The following ETV5 variants were observed in gnomAD, a reference collection of about 807,000 sequenced individuals.
ETV5 encodes the protein ETS translocation variant 5.
In ETV5, 10 loss-of-function variants were observed where a neutral mutation model predicts 70.0. The ratio of observed to expected loss-of-function variants is 0.14; its 90% CI spans 0.09 to 0.24. ETV5 has a LOEUF of 0.24. Among genes scored for constraint, ETV5 ranks in the 10% least tolerant of loss-of-function variants. The pLI is 1.00. For synonymous variants in ETV5, 216 were observed against 242.2 expected, an observed-to-expected ratio of 0.89 and a Z score of 1.01; for missense variants, 453 against 651.2, an observed-to-expected ratio of 0.70 and a Z score of 3.31.
chr3:186,094,700 A>G (rs576673562), intron 5 of ETV5, among the ~76,000 whole-genome samples: 1 of 152,386 alleles, frequency 6.6e-6, no homozygotes, highest in South Asian at 2.1e-4. Context: ...GTAGGGCTCA[A>G]GTATTAGCAC....
intron 5 of ETV5, among the ~76,000 whole-genome samples, chr3:186,101,944 G>A (rs1237831385): frequency 6.6e-6 from 1 of 152,168 alleles, no homozygotes. Flanking sequence ...CTATTCCCTT[G>A]AATTTGACCT....
chr3:186,061,651 G>C (rs939072890), intron 9 of ETV5, among the ~76,000 whole-genome samples: 1 of 152,166 alleles, frequency 6.6e-6, no homozygotes, highest in Non-Finnish European at 1.5e-5. Flanking sequence ...GTTTAGAAGG[G>C]AACTCCTCAA....
intron 5 of ETV5, among the ~76,000 whole-genome samples, chr3:186,083,510 G>A (rs188348628): frequency 3.2e-4 from 48 of 152,238 alleles, no homozygotes; most frequent in Admixed American, 2.7e-3. Context: ...GAAACACTTT[G>A]TATTTGTTTC....
Position 186,108,371 on chromosome 3 carries a change from G to A in ETV5, c.-75+569C>T, listed in dbSNP as rs561860044. 6.2e-4 allele frequency: 367 copies of A among 594,058 alleles called. 1 individual carries two copies. Among genetic ancestry groups the A allele is most frequent in the Admixed American group, 9.8e-4 (42 of 42,728 alleles). 36.8% of individuals were successfully genotyped at this position (594,058 alleles called of 1,614,324 possible). A position where few individuals can be genotyped will look rare whatever the true frequency, so the allele number is the denominator to read the frequency against. On this transcript the variant is annotated intron_variant, in intron 1 of 12. Coordinates refer to ENST00000306376, the MANE Select transcript of ETV5 (RefSeq NM_004454.3). ...TCAGCCTGCTGGGTGGGAGCAGGGCGACTGGATGTCCACTTTCCACCACCT... is the reference window on the plus strand; with the variant it reads ...TCAGCCTGCTGGGTGGGAGCAGGGCAACTGGATGTCCACTTTCCACCACCT...
chr3:186,050,664 C>A (rs1009922838), intron 12 of ETV5, among the ~76,000 whole-genome samples: 1 of 152,174 alleles, frequency 6.6e-6, no homozygotes, highest in East Asian at 1.9e-4. Context: ...TATCCTACAG[C>A]ATTTAACTCT....
chr3:186,092,477 A>T (rs1275580816), intron 5 of ETV5, among the ~76,000 whole-genome samples: 1 of 152,168 alleles, frequency 6.6e-6, no homozygotes, highest in Non-Finnish European at 1.5e-5. Context: ...TCTGTGACCC[A>T]GGCTAGAGAG....
At chr3:186,096,212 GAT>G (rs1306302943) in intron 5 of ETV5, among the ~76,000 whole-genome samples, 1 of 152,238 alleles carries the variant, frequency 6.6e-6, no homozygotes, top group East Asian at 1.9e-4. Flanking sequence ...TCTGAGTCGA[GAT>G]ATCCCTCAGC....
chr3:186,100,886 A>G (rs1007382927), intron 5 of ETV5, among the ~76,000 whole-genome samples: 2 of 152,260 alleles, frequency 1.3e-5, no homozygotes, highest in Non-Finnish European at 2.9e-5. Flanking sequence ...ACTGAAATTA[A>G]TAAGTGAGAT....
chr3:186,080,900 C>T (rs1163313909), intron 6 of ETV5, 146 bp downstream of exon 6: 6 of 948,918 alleles, frequency 6.3e-6, no homozygotes, highest in Non-Finnish European at 7.7e-6. Flanking sequence ...CTGGACTACA[C>T]CCGGAGGATG....
At position 186,047,665 on chromosome 3, in the gene ETV5, C is replaced by T. The variant is rs575335256; in HGVS notation, c.*974G>A. 5 of 233,394 alleles carry T rather than the reference C, an allele frequency of 2.1e-5. 1 individual carries two copies. The highest frequency in any genetic ancestry group is 1.1e-4 in the African/African-American group (5 of 45,440). 14.5% of individuals were successfully genotyped at this position (233,394 alleles called of 1,614,324 possible). On this transcript the variant is annotated 3_prime_UTR_variant, in exon 13 of 13. Transcript: ENST00000306376. ...GGTGCAGAAAGCACAAAGCAGGCAACAAGGCGGGCTTTCACATGGCCAAGG... is the reference window on the plus strand; with the variant it reads ...GGTGCAGAAAGCACAAAGCAGGCAATAAGGCGGGCTTTCACATGGCCAAGG...
intron 12 of ETV5, among the ~76,000 whole-genome samples, chr3:186,051,352 T>C (rs1367251871): frequency 1.3e-5 from 2 of 152,250 alleles, no homozygotes; most frequent in Non-Finnish European, 2.9e-5. Context: ...ATTACGAATT[T>C]GGTAGCTAAG....
chr3:186,063,268 TCAACAA>T (rs544999364), intron 9 of ETV5, among the ~76,000 whole-genome samples: 1 of 152,086 alleles, frequency 6.6e-6, no homozygotes, highest in African/African-American at 2.4e-5. Flanking sequence ...AGACTCCGTC[TCAACAA>T]CAACAACAAC....
chr3:186,065,369 C>T (rs372735004), intron 8 of ETV5, among the ~76,000 whole-genome samples: 6 of 152,202 alleles, frequency 3.9e-5, no homozygotes, highest in South Asian at 2.1e-4. Flanking sequence ...TGTTTACACA[C>T]GATCACTACC....
At chr3:186,098,678 C>T (rs972968805) in intron 5 of ETV5, among the ~76,000 whole-genome samples, 2 of 152,128 alleles carry the variant, frequency 1.3e-5, no homozygotes, top group Non-Finnish European at 2.9e-5. Context: ...TCCAAACCTT[C>T]AATAATCACC....
At chr3:186,050,689 A>G (rs1713006204) in intron 12 of ETV5, among the ~76,000 whole-genome samples, 1 of 152,356 alleles carries the variant, frequency 6.6e-6, no homozygotes, top group South Asian at 2.1e-4. Context: ...CAAGCACTGA[A>G]GTTAAACCTC....
intron 12 of ETV5, 36 bp from the exon 13 acceptor site, chr3:186,048,896 G>T: frequency 1.3e-6 from 2 of 1,553,244 alleles, no homozygotes; most frequent in South Asian, 1.1e-5. Flanking sequence ...GGCCCAGTTG[G>T]AACAGGGCAT....
chr3:186,053,953 T>G (rs1043491394), intron 11 of ETV5, among the ~76,000 whole-genome samples: 4 of 152,238 alleles, frequency 2.6e-5, no homozygotes, highest in African/African-American at 9.6e-5. Flanking sequence ...CCTCATCATT[T>G]TACTATGTTA....
intron 7 of ETV5, among the ~76,000 whole-genome samples, chr3:186,073,507 T>C (rs1049547303): frequency 6.6e-6 from 1 of 152,184 alleles, no homozygotes; most frequent in Non-Finnish European, 1.5e-5. Flanking sequence ...TGTCAGTCTG[T>C]CCAACTCCAG....
At chr3:186,055,062 C>CT (rs1287734683) in intron 11 of ETV5, among the ~76,000 whole-genome samples, 2 of 152,200 alleles carry the variant, frequency 1.3e-5, no homozygotes, top group Non-Finnish European at 2.9e-5. Context: ...ATATTAGTTT[C>CT]TTTATTAAGT....
Sources: allele counts gnomAD v4.1 joint callset (sites outside exome capture counted in the v4.1 genomes callset), GRCh38; gene constraint gnomAD v4.1.1; transcripts MANE v1.5; gene names NCBI Gene and HGNC (gene_info 2026-07-23, HGNC 2026-07-21).